The following EPS8 variants were observed in gnomAD, a reference collection of about 807,000 sequenced individuals.
EPS8 encodes EGFR pathway substrate 8, signaling adaptor.
A neutral mutation model predicts 103.8 loss-of-function variants in EPS8; 42 were observed. The ratio of observed to expected loss-of-function variants is 0.40; its 90% CI spans 0.32 to 0.52. The LOEUF is 0.52. Among genes scored for constraint, EPS8 ranks in the 20% least tolerant of loss-of-function variants. EPS8 has a pLI of 0.40. For synonymous variants in EPS8, 344 were observed against 344.6 expected (o/e 1.00, Z 0.02); for missense variants, 969 against 1,005.1 (o/e 0.96, Z 0.49).
In EPS8 at chr12:15,630,961, G is replaced by C. The variant is rs906748402; in HGVS notation, c.2044+481C>G. Among the ~76,000 whole-genome samples, 4 of 152,312 alleles carry C rather than the reference G, an allele frequency of 2.6e-5. No individual in the cohort carries two copies. In the East Asian group the frequency reaches 7.7e-4, roughly 29 times the overall value. On this transcript the variant is annotated intron_variant, in intron 18 of 20. Coordinates refer to ENST00000281172, the MANE Select transcript of EPS8 (RefSeq NM_004447.6). ...AAAATGTCTTCAGGCAATATCAAAT[G>C]TCCTCAGAAGGATGGAGAAGAAGAC... is the stretch of plus-strand genomic sequence containing the variant.
intron 1 of EPS8, among the ~76,000 whole-genome samples, chr12:15,743,864 G>A (rs771014433): frequency 6.6e-6 from 1 of 152,196 alleles, no homozygotes; most frequent in Non-Finnish European, 1.5e-5. Flanking sequence ...AGGACTTCAT[G>A]ACTAAAAGAC....
At chr12:15,694,930 C>T (rs556680994) in intron 1 of EPS8, among the ~76,000 whole-genome samples, 3 of 152,172 alleles carry the variant, frequency 2.0e-5, no homozygotes, top group South Asian at 2.1e-4. Context: ...AAATCACCCA[C>T]GAATGAGGTA....
At chr12:15,783,779 A>T (rs558409461) in intron 1 of EPS8, among the ~76,000 whole-genome samples, 5 of 152,008 alleles carry the variant, frequency 3.3e-5, no homozygotes, top group Admixed American at 3.3e-4. Flanking sequence ...AAATCTCAGC[A>T]CACAGTACAT....
intron 18 of EPS8, among the ~76,000 whole-genome samples, chr12:15,627,130 G>A (rs531305868): frequency 2.0e-5 from 3 of 152,198 alleles, no homozygotes; most frequent in Admixed American, 1.3e-4. Context: ...CTATGGAGTA[G>A]CTGGGACTAT....
chr12:15,773,265 T>G (rs1947173234), intron 1 of EPS8, among the ~76,000 whole-genome samples: 1 of 152,204 alleles, frequency 6.6e-6, no homozygotes, highest in African/African-American at 2.4e-5. Context: ...ATAATACATT[T>G]TGCAATAGAG....
At chr12:15,635,742 T>C (rs1475612833) in intron 17 of EPS8, among the ~76,000 whole-genome samples, 1 of 151,912 alleles carries the variant, frequency 6.6e-6, no homozygotes, top group Admixed American at 6.6e-5. Flanking sequence ...ACCAAGCAAA[T>C]TGGAACACAG....
At chr12:15,763,035 TC>T (rs1947057560) in intron 1 of EPS8, among the ~76,000 whole-genome samples, 1 of 152,138 alleles carries the variant, frequency 6.6e-6, no homozygotes, top group South Asian at 2.1e-4. Context: ...TCAAAACATC[TC>T]ATGTACCCCC....
chr12:15,732,605 T>TA, intron 1 of EPS8: 1 of 214,486 alleles, frequency 4.7e-6, no homozygotes, highest in Non-Finnish European at 8.0e-6. Flanking sequence ...AAGCAACTGG[T>TA]AAATGTTCCT....
chr12:15,714,763 T>C lies in EPS8; in HGVS notation c.-21-31791A>G, dbSNP rs1946510297. ...TCTCTGTATAGTGCACTCAGAGTTT[T>C]CATCAGGTTTCTATAACTTTAAAAG... is the stretch of plus-strand genomic sequence containing the variant. On this transcript the variant is annotated intron_variant, in intron 1 of 20. Coordinates refer to ENST00000281172, the MANE Select transcript of EPS8 (RefSeq NM_004447.6). The surrounding 1 kb of genome is among the most constrained non-coding windows in gnomAD (Gnocchi z 4.1). Among the ~76,000 whole-genome samples the C allele has an allele frequency of 6.6e-6, 1 of 152,178 alleles. No homozygotes were observed. Among genetic ancestry groups the C allele is most frequent in the Non-Finnish European group, 1.5e-5 (1 of 68,022 alleles).
intron 17 of EPS8, among the ~76,000 whole-genome samples, chr12:15,636,657 T>G (rs764223611): frequency 1.3e-5 from 2 of 152,174 alleles, no homozygotes; most frequent in Non-Finnish European, 2.9e-5. Flanking sequence ...ATAGGAAATG[T>G]AAGGGTATAA....
intron 17 of EPS8, among the ~76,000 whole-genome samples, chr12:15,637,146 G>A (rs1410254284): frequency 1.3e-5 from 2 of 152,194 alleles, no homozygotes; most frequent in Non-Finnish European, 2.9e-5. Flanking sequence ...TCAGTCTCCT[G>A]AGTAGCTGGG....
chr12:15,777,445 C>T lies in EPS8; in HGVS notation c.-22+11716G>A, dbSNP rs771942782. Among the ~76,000 whole-genome samples, 3 of 152,174 alleles carry T rather than the reference C, an allele frequency of 2.0e-5. No individual in the cohort carries two copies. Among genetic ancestry groups the T allele is most frequent in the Non-Finnish European group, 2.9e-5 (2 of 68,022 alleles). On this transcript the variant is annotated intron_variant, in intron 1 of 20. Transcript: ENST00000281172. The surrounding 1 kb of genome is among the most constrained non-coding windows in gnomAD (Gnocchi z 4.7). Reference sequence around the variant, plus strand: ...CACATTTATTCCGGACTAGATTTCACTCTTTTCATAATGAGATTTTACTAT... The same window carrying T: ...CACATTTATTCCGGACTAGATTTCATTCTTTTCATAATGAGATTTTACTAT...
At chr12:15,750,460 T>C (rs564286520) in intron 1 of EPS8, among the ~76,000 whole-genome samples, 2 of 152,238 alleles carry the variant, frequency 1.3e-5, no homozygotes, top group Non-Finnish European at 2.9e-5. Context: ...GTACTCTAGA[T>C]AGGTTTCATT....
chr12:15,788,345 C>G (rs1365610111), intron 1 of EPS8, among the ~76,000 whole-genome samples: 3 of 152,174 alleles, frequency 2.0e-5, no homozygotes, highest in Non-Finnish European at 4.4e-5. Context: ...CTGCGGATTT[C>G]AAATCCTAAC....
At chr12:15,630,259 T>C (rs991004338) in intron 18 of EPS8, among the ~76,000 whole-genome samples, 1 of 151,836 alleles carries the variant, frequency 6.6e-6, no homozygotes, top group Non-Finnish European at 1.5e-5. Flanking sequence ...TTTTGTCATA[T>C]TGGGGAAATA....
rs549901702 is a variant in EPS8 at position 15,681,410 on chromosome 12, T to A, written c.60-108A>T. The stretch of plus-strand genomic sequence containing the variant: ...CTCAACTAGAAAATAAAAATTCCAA[T>A]GCACTATAATCACCACGTGTTTAAA... On this transcript the variant is annotated intron_variant, in intron 2 of 20. Transcript: ENST00000281172. The A allele has an allele frequency of 1.2e-4, 46 of 374,380 alleles. No individual in the cohort carries two copies. In the South Asian group the frequency reaches 3.6e-3, roughly 30 times the overall value. The allele number at this position is 374,380 out of a possible 1,614,324, so 23.2% of individuals were successfully genotyped here.
At chr12:15,705,972 ACAAT>A (rs1297908241) in intron 1 of EPS8, among the ~76,000 whole-genome samples, 1 of 151,536 alleles carries the variant, frequency 6.6e-6, no homozygotes, top group Non-Finnish European at 1.5e-5. Context: ...AAATTCTTGT[ACAAT>A]CAGAGGCACA....
chr12:15,738,036 C>T lies in EPS8; in HGVS notation c.-22+51125G>A, dbSNP rs1946784118. Among the ~76,000 whole-genome samples, 1 of 152,018 alleles carries T rather than the reference C, an allele frequency of 6.6e-6. No homozygotes were observed. Among genetic ancestry groups the T allele is most frequent in the Non-Finnish European group, 1.5e-5 (1 of 68,004 alleles). ...AAACAAATAGTAAATGAGGGGAATTCGCTCTTCACAGAAATATTTTTTATT... is the reference window on the plus strand; with the variant it reads ...AAACAAATAGTAAATGAGGGGAATTTGCTCTTCACAGAAATATTTTTTATT... On this transcript the variant is annotated intron_variant, in intron 1 of 20. Coordinates refer to ENST00000281172, the MANE Select transcript of EPS8 (RefSeq NM_004447.6). The surrounding 1 kb of genome is among the most constrained non-coding windows in gnomAD (Gnocchi z 6.2).
intron 1 of EPS8, among the ~76,000 whole-genome samples, chr12:15,755,797 C>A (rs1946980714): frequency 6.6e-6 from 1 of 152,162 alleles, no homozygotes; most frequent in African/African-American, 2.4e-5. Context: ...CCTGTCCCTA[C>A]ATTAACTCTT....
Sources: gnomAD v4.1 joint callset for allele counts (sites outside exome capture counted in the v4.1 genomes callset) on GRCh38, gnomAD v4.1.1 for gene constraint, Gnocchi (gnomAD v3.1) non-coding constraint, MANE v1.5 for transcripts, NCBI Gene and HGNC (gene_info 2026-07-23, HGNC 2026-07-21) for gene names.